CFAP91: variants seen among roughly 807,000 people sequenced by gnomAD.
CFAP91 encodes the protein cilia- and flagella-associated protein 91.
CFAP91 carries 85 observed loss-of-function variants against 95.9 expected under a neutral mutation model. That is an observed-to-expected ratio of 0.89 (90% CI 0.74 to 1.06). The LOEUF (loss-of-function observed/expected upper bound fraction) is 1.06, where lower values mean the gene tolerates loss of function less well. Among genes scored for constraint, CFAP91 ranks in the 50% least tolerant of loss-of-function variants. The pLI is 0.00. For missense variants in CFAP91, 962 were observed against 943.4 expected (o/e 1.02, Z -0.26); for synonymous variants, 335 against 327.5 (o/e 1.02, Z -0.25).
intron 6 of CFAP91, among the ~76,000 whole-genome samples, chr3:119,716,720 G>A (rs1475599619): frequency 6.6e-6 from 1 of 152,120 alleles, no homozygotes; most frequent in Non-Finnish European, 1.5e-5. Flanking sequence ...CCGAGTAGCT[G>A]GGAGTACAGG....
chr3:119,730,601 A>AGTGT lies in CFAP91; in HGVS notation c.1018+270_1018+273dup, dbSNP rs60453079. Among the ~76,000 whole-genome samples the AGTGT allele has an allele frequency of 4.5e-3, 616 of 137,192 alleles. 6 individuals are homozygous for AGTGT. Among genetic ancestry groups the AGTGT allele is most frequent in the Admixed American group, 0.021 (291 of 13,670 alleles). The allele number at this position is 137,192 out of a possible 152,430, so 90.0% of individuals were successfully genotyped here. On this transcript the variant is annotated intron_variant, in intron 8 of 17. Coordinates refer to ENST00000273390, the MANE Select transcript of CFAP91 (RefSeq NM_033364.4). ...TAACAGGTAGTCGAGTTACTGAGATAGTGTGTGTGTGTGTGTGTGTGTGTG... is the reference window on the plus strand; with the variant it reads ...TAACAGGTAGTCGAGTTACTGAGATAGTGTGTGTGTGTGTGTGTGTGTGTGTGTG...
chr3:119,707,732 G>GATAT (rs770594988), intron 3 of CFAP91, among the ~76,000 whole-genome samples, 171 bp downstream of exon 3: 12 of 142,474 alleles, frequency 8.4e-5, no homozygotes, highest in East Asian at 6.3e-4. Context: ...GTATATATGA[G>GATAT]ATATATATAT....
Position 119,744,072 on chromosome 3 carries a change from A to C in CFAP91, c.1778A>C (p.Glu593Ala). The C allele has an allele frequency of 6.2e-7, 1 of 1,614,170 alleles. No individual in the cohort carries two copies. The highest frequency in any genetic ancestry group is 8.5e-7 in the Non-Finnish European group (1 of 1,180,014). Residue 593 changes from glutamate (E) to alanine (A), a missense_variant, in exon 14 of 18, where the codon GAG (glutamate) becomes GCG (alanine). By Grantham distance (107) the Glu-to-Ala change is moderately radical. Coordinates refer to ENST00000273390, the MANE Select transcript of CFAP91 (RefSeq NM_033364.4). ...LSKELVRLQEERRIHAFVMLA... is the reference protein window; with the variant it reads ...LSKELVRLQEARRIHAFVMLA... ...AAAGAGCTGGTGAGACTGCAGGAGGAGAGGAGGATCCATGCCTTTGTCATG... is the reference window on the plus strand; with the variant it reads ...AAAGAGCTGGTGAGACTGCAGGAGGCGAGGAGGATCCATGCCTTTGTCATG...
At chr3:119,707,606 G>T in intron 3 of CFAP91, 45 bp downstream of exon 3, 2 of 1,488,798 alleles carry the variant, frequency 1.3e-6, no homozygotes, top group Non-Finnish European at 1.8e-6. Flanking sequence ...TGCATTAAAA[G>T]CATTTCTTTA....
At chr3:119,703,301 G>C (rs1399765499) in intron 1 of CFAP91, 79 bp downstream of exon 1, 2 of 1,571,694 alleles carry the variant, frequency 1.3e-6, no homozygotes, top group Non-Finnish European at 1.7e-6. Context: ...GACCTGGCCA[G>C]GGGCATGGCG....
rs917911797 is a variant in CFAP91, at chr3:119,766,281, T to G, written c.*1231T>G. On this transcript the variant is annotated 3_prime_UTR_variant, in exon 18 of 18. Transcript: ENST00000273390. ...GAAGAAGAAACCAGAACAAATAAAA[T>G]AGAAACAATAATCAGAGTTTAATAA... 2.0e-4 allele frequency: 31 copies of G among 151,956 alleles called. 1 individual carries two copies. The highest frequency in any genetic ancestry group is 7.3e-4 in the African/African-American group (30 of 41,370). 9.4% of individuals were successfully genotyped at this position (151,956 alleles called of 1,614,324 possible).
chr3:119,704,498 G>A (rs2053323474), intron 1 of CFAP91, among the ~76,000 whole-genome samples: 3 of 152,024 alleles, frequency 2.0e-5, no homozygotes, highest in Non-Finnish European at 2.9e-5. Flanking sequence ...CCTTGTTAGG[G>A]TTGCCACATT....
At chr3:119,718,864 T>C (rs2053627478) in intron 6 of CFAP91, among the ~76,000 whole-genome samples, 1 of 151,850 alleles carries the variant, frequency 6.6e-6, no homozygotes, top group African/African-American at 2.4e-5. Flanking sequence ...ATTTATGTAA[T>C]GTGTTCATAC....
Position 119,730,294 on chromosome 3 carries a change from T to A in CFAP91, c.935T>A (p.Met312Lys). ...GAAGAGAATCAGAATGAAGTGAATA[T>A]GAAGCACTTGAATGCCCGGTGGTCT... Reference protein sequence around the residue: ...KREENQNEVNMKHLNARWSKL... With the variant: ...KREENQNEVNKKHLNARWSKL... Residue 312 changes from methionine (M) to lysine (K), a missense_variant, in exon 8 of 18, where the codon ATG becomes AAG. Met to Lys is a moderately conservative substitution (Grantham distance 95). Coordinates refer to ENST00000273390, the MANE Select transcript of CFAP91 (RefSeq NM_033364.4). 1 of 1,614,126 alleles carries A rather than the reference T, an allele frequency of 6.2e-7. No individual in the cohort carries two copies. The highest frequency in any genetic ancestry group is 8.5e-7 in the Non-Finnish European group (1 of 1,179,990).
chr3:119,703,231 C>A lies in CFAP91; in HGVS notation c.124+9C>A, dbSNP rs2053290191. The A allele has an allele frequency of 1.9e-6, 3 of 1,611,100 alleles. No individual in the cohort carries two copies. Among genetic ancestry groups the A allele is most frequent in the African/African-American group, 2.7e-5 (2 of 75,016 alleles). On this transcript the variant is annotated intron_variant, in intron 1 of 17. Transcript: ENST00000273390. Reference sequence around the variant, plus strand: ...GTATGATTTTCTGTACGGTAAGGACCGCCGCAGACCTTCCTCCGCGTCCGT... The same window carrying A: ...GTATGATTTTCTGTACGGTAAGGACAGCCGCAGACCTTCCTCCGCGTCCGT...
chr3:119,715,667 A>G lies in CFAP91; in HGVS notation c.606A>G (p.Thr202=), dbSNP rs977019196. 2.5e-6 allele frequency: 4 copies of G among 1,613,836 alleles called. No homozygotes were observed. The highest frequency in any genetic ancestry group is 3.4e-6 in the Non-Finnish European group (4 of 1,179,700). ...ATTATCGGGATGCTGACGTTCAAAC[A>G]GATCCATACTCTGCAGAATATGTAG... ...QTDYRDADVQ[T]DPYSAEYVVC... is the part of the protein sequence containing the mutation. The change falls in exon 6 of 18, where the codon ACA becomes ACG. Residue 202 remains threonine, a synonymous_variant. Coordinates refer to ENST00000273390, the MANE Select transcript of CFAP91 (RefSeq NM_033364.4).
At chr3:119,709,682 C>A (rs6786722) in intron 4 of CFAP91, among the ~76,000 whole-genome samples, 157 bp from the exon 5 acceptor site, 17,427 of 152,220 alleles carry the variant, frequency 0.11, 1,337 homozygotes, top group East Asian at 0.19. Context: ...CCTCCCCACC[C>A]TGCAGTGATT....
intron 6 of CFAP91, among the ~76,000 whole-genome samples, chr3:119,725,612 C>T (rs954483690): frequency 4.6e-5 from 7 of 151,776 alleles, no homozygotes; most frequent in Non-Finnish European, 8.8e-5. Flanking sequence ...AATAAATTAG[C>T]CAGGTGTGGT....
Position 119,744,083 on chromosome 3 carries a change from C to T in CFAP91, c.1789C>T (p.His597Tyr), listed in dbSNP as rs2054175044. ...LVRLQEERRI[H>Y]AFVMLAERQR... ...GAGACTGCAGGAGGAGAGGAGGATC[C>T]ATGCCTTTGTCATGCTGGCTGAGCG... is the stretch of plus-strand genomic sequence containing the variant. Residue 597 changes from histidine to tyrosine, a missense_variant, in exon 14 of 18, where the codon CAT (histidine) becomes TAT (tyrosine). His to Tyr is a moderately conservative substitution (Grantham distance 83, BLOSUM62 2). Coordinates refer to ENST00000273390, the MANE Select transcript of CFAP91 (RefSeq NM_033364.4). 1 of 1,614,192 alleles carries T rather than the reference C, an allele frequency of 6.2e-7. No individual in the cohort carries two copies. Among genetic ancestry groups the T allele is most frequent in the Non-Finnish European group, 8.5e-7 (1 of 1,180,028 alleles).
chr3:119,758,188 G>C (rs1339867356), intron 17 of CFAP91, among the ~76,000 whole-genome samples: 1 of 152,096 alleles, frequency 6.6e-6, no homozygotes, highest in African/African-American at 2.4e-5. Context: ...CCAAGATTGA[G>C]ATTTTTCTAA....
At chr3:119,726,093 T>C (rs2053776617) in intron 6 of CFAP91, 78 bp from the exon 7 acceptor site, 1 of 1,265,382 alleles carries the variant, frequency 7.9e-7, no homozygotes. Context: ...GGAAAGGAAC[T>C]GACAGGGAGT....
At chr3:119,717,226 G>C (rs2053592165) in intron 6 of CFAP91, among the ~76,000 whole-genome samples, 1 of 152,178 alleles carries the variant, frequency 6.6e-6, no homozygotes, top group African/African-American at 2.4e-5. Context: ...AAAGATTATA[G>C]ACAGAGCAGA....
chr3:119,714,132 A>G (rs973873574), intron 5 of CFAP91, among the ~76,000 whole-genome samples: 4 of 151,548 alleles, frequency 2.6e-5, no homozygotes, highest in Non-Finnish European at 4.4e-5. Context: ...GGAGGCAGAG[A>G]CGGGCGGATC....
Position 119,732,358 on chromosome 3 carries a change from C to G in CFAP91, c.1083C>G (p.Ile361Met). 6.2e-7 allele frequency: 1 copy of G among 1,611,444 alleles called. No homozygotes were observed. The highest frequency in any genetic ancestry group is 1.1e-5 in the South Asian group (1 of 90,710). The stretch of plus-strand genomic sequence containing the variant: ...GGAAGTTGGAGAGAAGAAATATCAT[C>G]AAGGATTATTCTGATTATGCATCAC... ...IEGKLERRNIIKDYSDYASQV... is the reference protein window; with the variant it reads ...IEGKLERRNIMKDYSDYASQV... The change falls in exon 9 of 18, where the codon ATC becomes ATG. Residue 361 changes from isoleucine (I) to methionine (M), a missense_variant. Ile to Met is a conservative substitution (Grantham distance 10). Coordinates refer to ENST00000273390, the MANE Select transcript of CFAP91 (RefSeq NM_033364.4).
Sources: gnomAD v4.1 joint callset for allele counts (sites outside exome capture counted in the v4.1 genomes callset) on GRCh38, gnomAD v4.1.1 for gene constraint, MANE v1.5 for transcripts, NCBI Gene and HGNC (gene_info 2026-07-23, HGNC 2026-07-21) for gene names.